REV3L: variants seen among roughly 807,000 people sequenced by gnomAD.
The protein encoded by REV3L is REV3 like, DNA directed polymerase zeta catalytic subunit, also known as DNA polymerase zeta catalytic subunit.
A neutral mutation model predicts 299.4 loss-of-function variants in REV3L; 69 were observed. The observed-to-expected ratio is 0.23, with a 90% CI of 0.19 to 0.28. REV3L has a LOEUF of 0.28. REV3L is among the 10% of genes least tolerant of loss of function. The pLI is 1.00. For missense variants in REV3L, 3,128 were observed against 3,693.8 expected (o/e 0.85, Z 3.97); for synonymous variants, 1,238 against 1,271.4 (o/e 0.97, Z 0.56).
At position 111,375,785 on chromosome 6, in the gene REV3L, A is replaced by C. The variant is rs1159656491; in HGVS notation, c.2570T>G (p.Phe857Cys). The change falls in exon 13 of 32, where the codon TTT becomes TGT. Residue 857 changes from phenylalanine (F) to cysteine (C), a missense_variant. Transcript: ENST00000368802. The stretch of plus-strand genomic sequence containing the variant: ...ACTATTACAAGGATTATTTTGTATA[A>C]AATTATCTTTTGTGGATCCAGTCTC... ...SSETGSTKDN[F>C]IQNNPCNSNP... 1 of 1,613,594 alleles carries C rather than the reference A, an allele frequency of 6.2e-7. No individual in the cohort carries two copies. Among genetic ancestry groups the C allele is most frequent in the African/African-American group, 1.3e-5 (1 of 74,972 alleles).
chr6:111,410,769 C>T (rs1402016095), intron 3 of REV3L, among the ~76,000 whole-genome samples: 1 of 152,110 alleles, frequency 6.6e-6, no homozygotes, highest in African/African-American at 2.4e-5. Context: ...GGAAAACATC[C>T]AATCTGTGTT....
At chr6:111,316,527 G>GA (rs765579967) in intron 26 of REV3L, among the ~76,000 whole-genome samples, 19 of 151,884 alleles carry the variant, frequency 1.3e-4, no homozygotes, top group Non-Finnish European at 2.8e-4. Flanking sequence ...TTAGCCAGGG[G>GA]AGGTGGCGTG....
rs55931789 is a variant in REV3L at position 111,389,655 on chromosome 6, C to T, written c.757+431G>A. Among the ~76,000 whole-genome samples, 234 of 150,892 alleles carry T rather than the reference C, an allele frequency of 1.6e-3. 3 individuals are homozygous for T. Among genetic ancestry groups the T allele is most frequent in the African/African-American group, 5.1e-3 (211 of 41,042 alleles). On this transcript the variant is annotated intron_variant, in intron 6 of 31. Coordinates refer to ENST00000368802, the MANE Select transcript of REV3L (RefSeq NM_001372078.1). ...AAGCAATCTTCATAACATTTTGTAT[C>T]CTCCTTCTATAATATCTTAGTTTCC...
intron 4 of REV3L, among the ~76,000 whole-genome samples, chr6:111,396,074 T>C (rs774856239): frequency 2.6e-4 from 39 of 152,182 alleles, no homozygotes; most frequent in Non-Finnish European, 4.9e-4. Context: ...TCACCCAGGC[T>C]TGAGTACAGT....
intron 1 of REV3L, among the ~76,000 whole-genome samples, chr6:111,446,802 A>G (rs1583024929): frequency 6.6e-6 from 1 of 152,188 alleles, no homozygotes; most frequent in East Asian, 1.9e-4. Context: ...CCTTTTGTAA[A>G]GCCTTAGGAG....
intron 3 of REV3L, 61 bp from the exon 4 acceptor site, chr6:111,405,691 AATG>A (rs1783545011): frequency 1.7e-6 from 2 of 1,155,600 alleles, no homozygotes; most frequent in East Asian, 4.9e-5. Context: ...TAAATGAAAC[AATG>A]ATTATAGAAA....
In REV3L at chr6:111,385,085, A is replaced by G. The variant is rs556366439; in HGVS notation, c.1096+2680T>C. On this transcript the variant is annotated intron_variant, in intron 9 of 31. Transcript: ENST00000368802. ...GGAACTCATGGAGATAAGAGAGTAGAATGATGGCTGCCAGAAGCTAGGAAG... is the reference window on the plus strand; with the variant it reads ...GGAACTCATGGAGATAAGAGAGTAGGATGATGGCTGCCAGAAGCTAGGAAG... Among the ~76,000 whole-genome samples the G allele has an allele frequency of 6.6e-5, 10 of 152,154 alleles. No homozygotes were observed. The South Asian group carries it at 1.9e-3, about 28-fold the overall frequency.
chr6:111,470,117 C>T (rs1791998843), intron 1 of REV3L, among the ~76,000 whole-genome samples: 1 of 151,534 alleles, frequency 6.6e-6, no homozygotes, highest in Non-Finnish European at 1.5e-5. Flanking sequence ...TGAGAGGAGA[C>T]ATTAATATTG....
At position 111,376,218 on chromosome 6, in the gene REV3L, T is replaced by A. The variant is rs201517566; in HGVS notation, c.2137A>T (p.Asn713Tyr). Residue 713 changes from asparagine (N) to tyrosine (Y), a missense_variant, in exon 13 of 32, where the codon AAT becomes TAT. Asn to Tyr is a moderately radical substitution (Grantham distance 143, BLOSUM62 -2). This residue lies in a region of REV3L where 2,409 missense variants were observed against 2,611.8 expected (regional missense o/e 0.92). Transcript: ENST00000368802. ...GAGGATACTTTATTTTTTGAATGAT[T>A]TAAGTCAGAAAAGTTGAAAGAATTT... ...GKNSFNFSDL[N>Y]HSKNKVSSEG... 227 of 1,613,534 alleles carry A rather than the reference T, an allele frequency of 1.4e-4. 5 individuals carry two copies. The Admixed American group carries it at 3.7e-3, about 26-fold the overall frequency.
intron 16 of REV3L, among the ~76,000 whole-genome samples, chr6:111,362,927 CTAGCGGCTACCATACGACAGCACAGG>C (rs1778846972): frequency 6.6e-6 from 1 of 152,208 alleles, no homozygotes; most frequent in Non-Finnish European, 1.5e-5. Flanking sequence ...ATCCATGCTG[CTAGCGGCTACCATACGACAGCACAGG>C]TGTAAACAAT....
intron 1 of REV3L, among the ~76,000 whole-genome samples, chr6:111,435,208 TCAAAA>T (rs1314755270): frequency 6.6e-6 from 1 of 152,088 alleles, no homozygotes; most frequent in Non-Finnish European, 1.5e-5. Context: ...AGATCCTGTC[TCAAAA>T]CAAAACAACA....
intron 9 of REV3L, among the ~76,000 whole-genome samples, chr6:111,381,716 T>TA (rs1181421264): frequency 1.3e-5 from 2 of 152,184 alleles, no homozygotes; most frequent in Admixed American, 1.3e-4. Flanking sequence ...ATTACTCTGA[T>TA]AAAAATCACT....
At chr6:111,424,691 C>T (rs1209299584) in intron 1 of REV3L, among the ~76,000 whole-genome samples, 2 of 152,186 alleles carry the variant, frequency 1.3e-5, no homozygotes, top group Admixed American at 1.3e-4. Context: ...CAGAAAACTG[C>T]CACTATTGGA....
At chr6:111,300,318 C>T (rs1045402586) in intron 31 of REV3L, among the ~76,000 whole-genome samples, 162 bp from the exon 32 acceptor site, 1 of 152,160 alleles carries the variant, frequency 6.6e-6, no homozygotes, top group Admixed American at 6.5e-5. Context: ...GCCTAGACTA[C>T]CCTATGTTGA....
At chr6:111,330,592 T>TA (rs1401888005) in intron 24 of REV3L, among the ~76,000 whole-genome samples, 3 of 151,914 alleles carry the variant, frequency 2.0e-5, no homozygotes, top group Non-Finnish European at 4.4e-5. Flanking sequence ...GATGCAAGTT[T>TA]AAAAAAAAGC....
intron 1 of REV3L, among the ~76,000 whole-genome samples, chr6:111,464,623 AGAAAT>A (rs1460669825): frequency 6.6e-6 from 1 of 152,134 alleles, no homozygotes; most frequent in Non-Finnish European, 1.5e-5. Flanking sequence ...ATAAGAAAAA[AGAAAT>A]GAATAGAAAC....
At chr6:111,386,312 A>G (rs1409541078) in intron 9 of REV3L, among the ~76,000 whole-genome samples, 1 of 152,246 alleles carries the variant, frequency 6.6e-6, no homozygotes, top group Non-Finnish European at 1.5e-5. Flanking sequence ...TGAATGAACA[A>G]GGATAAATTT....
rs746987974 is a variant in REV3L at position 111,365,302 on chromosome 6, G to A, written c.6716C>T (p.Thr2239Ile). 1 of 1,572,802 alleles carries A rather than the reference G, an allele frequency of 6.4e-7. No homozygotes were observed. The highest frequency in any genetic ancestry group is 1.2e-5 in the South Asian group (1 of 82,884). The change falls in exon 15 of 32, where the codon ACT becomes ATT. Residue 2239 changes from threonine (T) to isoleucine (I), a missense_variant. Thr to Ile is a moderately conservative substitution (Grantham distance 89, BLOSUM62 -1). Coordinates refer to ENST00000368802, the MANE Select transcript of REV3L (RefSeq NM_001372078.1). Reference sequence around the variant, plus strand: ...TAACAGTACTCTTCTAAGAGTGTCAGTATTACTTCCTTTCTTATTACTCAA... The same window carrying A: ...TAACAGTACTCTTCTAAGAGTGTCAATATTACTTCCTTTCTTATTACTCAA... ...QKLSNKKGSN[T>I]DTLRRVLLTQ... is the part of the protein sequence containing the mutation.
rs1245515152 is a variant in REV3L, at chr6:111,426,117, T to C, written c.140-9645A>G. Among the ~76,000 whole-genome samples, 9 of 152,332 alleles carry C rather than the reference T, an allele frequency of 5.9e-5. No individual in the cohort carries two copies. The South Asian group carries it at 1.7e-3, about 28-fold the overall frequency. On this transcript the variant is annotated intron_variant, in intron 1 of 31. Transcript: ENST00000368802. Reference sequence around the variant, plus strand: ...GCAGGGAGCCTAGGGACTCCATTTGTGGCTGGTGTCTGAAGTGAGCAGTAC... The same window carrying C: ...GCAGGGAGCCTAGGGACTCCATTTGCGGCTGGTGTCTGAAGTGAGCAGTAC...
Sources: gnomAD v4.1 joint callset for allele counts (sites outside exome capture counted in the v4.1 genomes callset) on GRCh38, gnomAD v4.1.1 for gene constraint, gnomAD v4.1.1 regional missense constraint, MANE v1.5 for transcripts, NCBI Gene and HGNC (gene_info 2026-07-23, HGNC 2026-07-21) for gene names.